The following HSD17B12 variants were observed in gnomAD, a reference collection of about 807,000 sequenced individuals.
The protein encoded by HSD17B12 is very-long-chain 3-oxoacyl-CoA reductase.
Under a neutral mutation model 39.3 loss-of-function variants are expected in HSD17B12, and 32 were observed. The ratio of observed to expected loss-of-function variants is 0.81; its 90% CI spans 0.61 to 1.09. The LOEUF (loss-of-function observed/expected upper bound fraction) is 1.09, where lower values mean the gene tolerates loss of function less well. HSD17B12 is among the 50% of genes least tolerant of loss of function. The pLI, the probability that HSD17B12 is intolerant of heterozygous loss-of-function variation, is 0.00. For synonymous variants in HSD17B12, 150 were observed against 146.7 expected (o/e 1.02, Z -0.16); for missense variants, 342 against 382.9 (o/e 0.89, Z 0.89).
chr11:43,784,192 C>T (rs780269834), intron 3 of HSD17B12, among the ~76,000 whole-genome samples: 42 of 151,974 alleles, frequency 2.8e-4, no homozygotes, highest in Non-Finnish European at 5.1e-4. Context: ...GCATGGGAAA[C>T]GTTACTGGGG....
chr11:43,832,712 T>G (rs1951324298), intron 7 of HSD17B12, among the ~76,000 whole-genome samples: 1 of 152,132 alleles, frequency 6.6e-6, no homozygotes, highest in African/African-American at 2.4e-5. Flanking sequence ...GTCTCAAGGA[T>G]GAGTTGGATC....
At chr11:43,728,054 T>G (rs747280857) in intron 1 of HSD17B12, among the ~76,000 whole-genome samples, 3 of 152,048 alleles carry the variant, frequency 2.0e-5, no homozygotes, top group Non-Finnish European at 2.9e-5. Context: ...TCTGTTTTTT[T>G]TTTGTTTGTT....
the HSD17B12 span, among the ~76,000 whole-genome samples, chr11:43,614,118 C>A: frequency 6.6e-6 from 1 of 152,238 alleles, no homozygotes; most frequent in East Asian, 1.9e-4. Context: ...ATGCTCTTCA[C>A]TCCTTTGTTT....
intron 1 of HSD17B12, chr11:43,718,912 T>A (rs1162962864): frequency 9.9e-7 from 1 of 1,012,026 alleles, no homozygotes; most frequent in East Asian, 2.4e-5. Context: ...TCATCAAGTT[T>A]CCATTGACCA....
At chr11:43,697,421 T>C (rs1353861778) in intron 1 of HSD17B12, among the ~76,000 whole-genome samples, 3 of 152,234 alleles carry the variant, frequency 2.0e-5, no homozygotes, top group African/African-American at 4.8e-5. Flanking sequence ...AAGCTTACCA[T>C]GTACCAGGTA....
At chr11:43,715,218 T>C (rs1054667102) in intron 1 of HSD17B12, among the ~76,000 whole-genome samples, 39 of 152,104 alleles carry the variant, frequency 2.6e-4, no homozygotes, top group Non-Finnish European at 3.7e-4. Flanking sequence ...TCAAAGGGAA[T>C]GCTTCCAGTT....
At chr11:43,579,898 C>G in the HSD17B12 span, among the ~76,000 whole-genome samples, 1 of 152,174 alleles carries the variant, frequency 6.6e-6, no homozygotes, top group East Asian at 2.0e-4. Context: ...CGCCCGCCCG[C>G]ACGTCGATTC....
At chr11:43,625,551 A>G in the HSD17B12 span, among the ~76,000 whole-genome samples, 1 of 151,472 alleles carries the variant, frequency 6.6e-6, no homozygotes, top group Non-Finnish European at 1.5e-5. Flanking sequence ...ATCATATATA[A>G]TATATTTTAA....
At chr11:43,803,883 C>T (rs1950993887) in intron 4 of HSD17B12, among the ~76,000 whole-genome samples, 1 of 152,116 alleles carries the variant, frequency 6.6e-6, no homozygotes, top group Non-Finnish European at 1.5e-5. Flanking sequence ...AAAATGACAT[C>T]CTTACTGCTT....
chr11:43,776,128 G>A (rs565503715), intron 3 of HSD17B12, among the ~76,000 whole-genome samples: 9 of 152,172 alleles, frequency 5.9e-5, no homozygotes, highest in African/African-American at 1.9e-4. Context: ...CACAGTAATG[G>A]GATGGCTGGG....
At chr11:43,710,377 T>C (rs939819978) in intron 1 of HSD17B12, among the ~76,000 whole-genome samples, 2 of 152,210 alleles carry the variant, frequency 1.3e-5, no homozygotes, top group Admixed American at 1.3e-4. Flanking sequence ...CCTTGCATGG[T>C]AGACTTTCAA....
intron 1 of HSD17B12, among the ~76,000 whole-genome samples, chr11:43,720,098 A>G (rs1490238824): frequency 3.9e-5 from 6 of 152,202 alleles, no homozygotes; most frequent in Admixed American, 1.3e-4. Flanking sequence ...TCAAGGTCTC[A>G]ACAAAAGATC....
intron 3 of HSD17B12, among the ~76,000 whole-genome samples, chr11:43,772,752 C>T (rs573612066): frequency 6.6e-6 from 1 of 152,232 alleles, no homozygotes; most frequent in South Asian, 2.1e-4. Context: ...TGAGCTATTT[C>T]TAATCTTTTT....
chr11:43,793,057 G>T (rs544610748), intron 3 of HSD17B12, among the ~76,000 whole-genome samples: 1 of 152,192 alleles, frequency 6.6e-6, no homozygotes, highest in South Asian at 2.1e-4. Flanking sequence ...GACAAATAAT[G>T]CTCCCTGTTT....
intron 1 of HSD17B12, chr11:43,718,830 C>T: frequency 1.1e-6 from 1 of 878,246 alleles, no homozygotes; most frequent in Non-Finnish European, 1.9e-6. Context: ...CCCAAGACAC[C>T]ACGACTCCGG....
chr11:43,798,152 C>T (rs1950931014), intron 3 of HSD17B12, among the ~76,000 whole-genome samples, 168 bp from the exon 4 acceptor site: 1 of 152,132 alleles, frequency 6.6e-6, no homozygotes, highest in African/African-American at 2.4e-5. Flanking sequence ...GACTCTATAT[C>T]ATCTCTTAGA....
chr11:43,601,711 C>T, the HSD17B12 span, among the ~76,000 whole-genome samples: 1 of 152,180 alleles, frequency 6.6e-6, no homozygotes, highest in Non-Finnish European at 1.5e-5. Context: ...ATGCTGGCGT[C>T]TCCACTTCTG....
At chr11:43,643,027 T>G in the HSD17B12 span, among the ~76,000 whole-genome samples, 1 of 152,114 alleles carries the variant, frequency 6.6e-6, no homozygotes, top group African/African-American at 2.4e-5. Context: ...GTTTTGTGAT[T>G]TGAAATTCAT....
At chr11:43,563,637 AG>A in the HSD17B12 span, among the ~76,000 whole-genome samples, 1 of 152,184 alleles carries the variant, frequency 6.6e-6, no homozygotes, top group Non-Finnish European at 1.5e-5. Flanking sequence ...CAACAAGGCA[AG>A]AACTCATCTC....
Sources: allele counts gnomAD v4.1 joint callset (sites outside exome capture counted in the v4.1 genomes callset), GRCh38; gene constraint gnomAD v4.1.1; transcripts MANE v1.5; gene names NCBI Gene and HGNC (gene_info 2026-07-23, HGNC 2026-07-21).